MYO3B: variants seen among roughly 807,000 people sequenced by gnomAD.
MYO3B encodes the protein myosin IIIB, also known as myosin-IIIb.
In MYO3B, 156 loss-of-function variants were observed where a neutral mutation model predicts 174.6. The ratio of observed to expected loss-of-function variants is 0.89; its 90% confidence interval spans 0.78 to 1.02. The LOEUF (loss-of-function observed/expected upper bound fraction) is 1.02. Ranked by LOEUF, MYO3B falls within the 50% of genes least tolerant of loss-of-function variation. The probability of loss-of-function intolerance (pLI) is 0.00; values close to 1 mark genes in which losing one functional copy is unlikely to be tolerated. For missense variants in MYO3B, 1,632 were observed against 1,639.4 expected (o/e 1.00, Z 0.08); for synonymous variants, 563 against 569.1 (o/e 0.99, Z 0.15).
At chr2:170,182,561 A>C (rs35478014) in intron 1 of MYO3B, among the ~76,000 whole-genome samples, 60,200 of 150,762 alleles carry the variant, frequency 0.4, 12,359 homozygotes, top group African/African-American at 0.5. Flanking sequence ...AATTATGTTC[A>C]CTAATTATTC....
intron 32 of MYO3B, among the ~76,000 whole-genome samples, chr2:170,596,140 G>A (rs1257463472): frequency 6.6e-6 from 1 of 152,204 alleles, no homozygotes; most frequent in African/African-American, 2.4e-5. Flanking sequence ...TAACCCAAGA[G>A]CATGATACAG....
intron 32 of MYO3B, among the ~76,000 whole-genome samples, chr2:170,629,333 G>A (rs1441810586): frequency 6.6e-6 from 1 of 152,144 alleles, no homozygotes; most frequent in African/African-American, 2.4e-5. Flanking sequence ...ACCCTCTGGT[G>A]AGGCTGTATC....
chr2:170,482,500 C>T (rs1051973637), intron 25 of MYO3B, among the ~76,000 whole-genome samples: 4 of 152,190 alleles, frequency 2.6e-5, no homozygotes, highest in Admixed American at 6.5e-5. Flanking sequence ...ATGTGACTTG[C>T]TCCTCCTTGC....
At chr2:170,465,895 G>A (rs1684594374) in intron 24 of MYO3B, among the ~76,000 whole-genome samples, 1 of 152,094 alleles carries the variant, frequency 6.6e-6, no homozygotes. Context: ...AACAACTGAG[G>A]CCCTCCCTCA....
Position 170,522,667 on chromosome 2 carries a change from C to T in MYO3B, c.3575+3127C>T, listed in dbSNP as rs544474793. ...TCAGTTTGTCCTCCAGGCTCACCTC[C>T]ACCTTGTCCCTAATACACCTTATGG... On this transcript the variant is annotated intron_variant, in intron 30 of 34. Transcript: ENST00000408978. 3.3e-5 allele frequency among the ~76,000 whole-genome samples: 5 copies of T among 152,336 alleles called. No homozygotes were observed. The South Asian group carries it at 8.3e-4, about 25-fold the overall frequency.
At chr2:170,473,727 A>C (rs1685128848) in intron 25 of MYO3B, among the ~76,000 whole-genome samples, 1 of 152,026 alleles carries the variant, frequency 6.6e-6, no homozygotes, top group South Asian at 2.1e-4. Context: ...ACTTTAAACA[A>C]ATTTGCCTCC....
In MYO3B at chr2:170,483,780, G is replaced by GCATGGGGATGGCAAATA. The variant is rs1454285155; in HGVS notation, c.3015-14805_3015-14789dup. Among the ~76,000 whole-genome samples, 4 of 152,286 alleles carry GCATGGGGATGGCAAATA rather than the reference G, an allele frequency of 2.6e-5. No homozygotes were observed. In the East Asian group the frequency reaches 7.7e-4, roughly 29 times the overall value. ...AAAGAGAATGTGAGGAAACCTCCTGGCATGGGGATGGCAAATACATGGGTA... is the reference window on the plus strand; with the variant it reads ...AAAGAGAATGTGAGGAAACCTCCTGGCATGGGGATGGCAAATACATGGGGATGGCAAATACATGGGTA... On this transcript the variant is annotated intron_variant, in intron 25 of 34. Coordinates refer to ENST00000408978, the MANE Select transcript of MYO3B (RefSeq NM_138995.5).
chr2:170,325,430 A>G (rs1490762286), intron 7 of MYO3B, among the ~76,000 whole-genome samples: 2 of 151,194 alleles, frequency 1.3e-5, no homozygotes, highest in African/African-American at 2.4e-5. Context: ...CTGGTCTTGA[A>G]CTCCTGACCT....
chr2:170,510,965 T>TG (rs1687941781), intron 28 of MYO3B, among the ~76,000 whole-genome samples: 1 of 152,250 alleles, frequency 6.6e-6, no homozygotes, highest in African/African-American at 2.4e-5. Context: ...TGTACCACAA[T>TG]TTTATTCATT....
At chr2:170,446,651 T>A (rs1216514980) in intron 23 of MYO3B, among the ~76,000 whole-genome samples, 1 of 152,294 alleles carries the variant, frequency 6.6e-6, no homozygotes, top group Non-Finnish European at 1.5e-5. Context: ...CCAGTTACTA[T>A]CTGACTTATC....
intron 7 of MYO3B, among the ~76,000 whole-genome samples, chr2:170,311,873 ATTGAATGGTCTTG>A (rs2093742387): frequency 6.6e-6 from 1 of 152,202 alleles, no homozygotes; most frequent in South Asian, 2.1e-4. Flanking sequence ...TTCTTTCTCC[ATTGAATGGTCTTG>A]GCAACATTGT....
intron 22 of MYO3B, among the ~76,000 whole-genome samples, chr2:170,421,368 A>G (rs537457799): frequency 9.2e-5 from 14 of 152,300 alleles, no homozygotes; most frequent in Non-Finnish European, 1.5e-4. Context: ...TCTGAAATCA[A>G]TTGCTGGCCC....
intron 25 of MYO3B, among the ~76,000 whole-genome samples, chr2:170,490,714 G>T (rs1431808542): frequency 6.6e-6 from 1 of 152,128 alleles, no homozygotes; most frequent in Admixed American, 6.5e-5. Flanking sequence ...TCAGAAAGTT[G>T]TCTCCTAGTT....
intron 30 of MYO3B, among the ~76,000 whole-genome samples, chr2:170,530,373 G>C (rs1277897943): frequency 6.6e-6 from 1 of 152,224 alleles, no homozygotes; most frequent in East Asian, 1.9e-4. Context: ...CCTCCCGGGA[G>C]AGCTCTTTGT....
chr2:170,501,534 G>A (rs10191689), intron 27 of MYO3B, among the ~76,000 whole-genome samples: 94,457 of 151,872 alleles, frequency 0.62, 30,391 homozygotes, highest in South Asian at 0.81. Flanking sequence ...TTCATCAGTG[G>A]AACCCAGAGT....
chr2:170,356,119 C>T (rs923748290), intron 8 of MYO3B, among the ~76,000 whole-genome samples: 1 of 151,762 alleles, frequency 6.6e-6, no homozygotes, highest in Non-Finnish European at 1.5e-5. Flanking sequence ...CGCCACCATG[C>T]CCGGCTGACT....
intron 6 of MYO3B, among the ~76,000 whole-genome samples, chr2:170,231,614 A>G (rs2093017230): frequency 6.6e-6 from 1 of 152,242 alleles, no homozygotes; most frequent in South Asian, 2.1e-4. Context: ...ACCAGCTTCC[A>G]AACAATTGCT....
At chr2:170,216,513 A>G (rs1003957469) in intron 5 of MYO3B, among the ~76,000 whole-genome samples, 2 of 152,186 alleles carry the variant, frequency 1.3e-5, no homozygotes, top group Middle Eastern at 3.2e-3. Flanking sequence ...AATCCTGTGG[A>G]CCTTTACGCT....
intron 8 of MYO3B, chr2:170,344,637 G>A (rs1026783813): frequency 7.2e-5 from 11 of 152,176 alleles, no homozygotes; most frequent in African/African-American, 2.4e-4. Context: ...CCTAAGTAAA[G>A]GGGAGAGTGT....
Sources: gnomAD v4.1 joint callset for allele counts (sites outside exome capture counted in the v4.1 genomes callset) on GRCh38, gnomAD v4.1.1 for gene constraint, MANE v1.5 for transcripts, NCBI Gene and HGNC (gene_info 2026-07-23, HGNC 2026-07-21) for gene names.